Variants in YRDC observed in about 807,000 individuals in gnomAD.
YRDC encodes yrdC N6-threonylcarbamoyltransferase domain containing, also known as threonylcarbamoyl-AMP synthase.
In YRDC, 17 loss-of-function variants were observed where a neutral mutation model predicts 21.5. The ratio of observed to expected loss-of-function variants is 0.79; its 90% CI spans 0.54 to 1.19. The LOEUF is 1.19. Among genes scored for constraint, YRDC ranks in the 50% most tolerant of loss-of-function variants. The probability of loss-of-function intolerance (pLI) is 0.00; values close to 1 mark genes in which losing one functional copy is unlikely to be tolerated. For missense variants in YRDC, 380 were observed against 397.1 expected (o/e 0.96, Z 0.37); for synonymous variants, 193 against 176.7 (o/e 1.09, Z -0.73).
intron 3 of YRDC, among the ~76,000 whole-genome samples, chr1:37,806,196 T>C (rs1369396579): frequency 1.4e-5 from 2 of 147,268 alleles, no homozygotes; most frequent in Non-Finnish European, 3.0e-5. Flanking sequence ...GAGGCTAAAC[T>C]TCATCTTTTT....
rs1646740294 is a variant in YRDC, at chr1:37,806,798, T to G, written c.624+59A>C. Reference sequence around the variant, plus strand: ...CCAGTGTACTATCAATGCCACTGATTCACAGAAAACAGTATGTGCGCTGGT... The same window carrying G: ...CCAGTGTACTATCAATGCCACTGATGCACAGAAAACAGTATGTGCGCTGGT... On this transcript the variant is annotated intron_variant, in intron 3 of 4. Coordinates refer to ENST00000373044, the MANE Select transcript of YRDC (RefSeq NM_024640.4). 3.7e-6 allele frequency: 6 copies of G among 1,610,226 alleles called. 1 individual carries two copies. In the East Asian group the frequency reaches 1.3e-4, roughly 36 times the overall value.
At chr1:37,807,639 A>T (rs1475075342) in intron 1 of YRDC, 153 bp downstream of exon 1, 7 of 1,310,902 alleles carry the variant, frequency 5.3e-6, no homozygotes, top group Non-Finnish European at 5.9e-6. Flanking sequence ...GGCCCGGGGC[A>T]CGTTAAGTCC....
intron 1 of YRDC, 124 bp from the exon 2 acceptor site, chr1:37,807,339 G>C: frequency 1.1e-6 from 1 of 893,718 alleles, no homozygotes; most frequent in Non-Finnish European, 1.7e-6. Flanking sequence ...CTGTCTCCCT[G>C]CTTCACCTCC....
chr1:37,803,610 ATTAC>A lies in YRDC; in HGVS notation c.*311_*314del. ...CACTAGATTCTAAATCTGTTATTTA[ATTAC>A]TTTTCAATTGAAAAACAAAACAGAC... is the stretch of plus-strand genomic sequence containing the variant. On this transcript the variant is annotated 3_prime_UTR_variant, in exon 5 of 5. Transcript: ENST00000373044. 3.4e-6 allele frequency: 1 copy of A among 294,622 alleles called. No homozygotes were observed. The highest frequency in any genetic ancestry group is 6.3e-6 in the Non-Finnish European group (1 of 157,842). The allele number at this position is 294,622 out of a possible 1,614,324, so 18.3% of individuals were successfully genotyped here.
intron 3 of YRDC, among the ~76,000 whole-genome samples, chr1:37,805,994 G>GA (rs938564159): frequency 1.3e-5 from 2 of 151,694 alleles, no homozygotes; most frequent in Admixed American, 6.6e-5. Flanking sequence ...TTAGTAATAA[G>GA]AAAAAAAACG....
Position 37,807,907 on chromosome 1 carries a change from C to G in YRDC, c.274G>C (p.Gly92Arg). 1 of 1,362,414 alleles carries G rather than the reference C, an allele frequency of 7.3e-7. No homozygotes were observed. Among genetic ancestry groups the G allele is most frequent in the Non-Finnish European group, 9.5e-7 (1 of 1,051,122 alleles). The allele number at this position is 1,362,414 out of a possible 1,614,324, so 84.4% of individuals were successfully genotyped here. Residue 92 changes from glycine to arginine, a missense_variant, in exon 1 of 5, where the codon GGC becomes CGC. Transcript: ENST00000373044. ...GAGCAGCTCGCCGCGCAGGCCAGGC[C>G]GTACAGCGTATCGGTGGGGACGGCC... Reference protein sequence around the residue: ...VVAVPTDTLYGLACAASCSAA... With the variant: ...VVAVPTDTLYRLACAASCSAA...
chr1:37,804,601 AAAG>A (rs988982367), intron 3 of YRDC, among the ~76,000 whole-genome samples, 157 bp from the exon 4 acceptor site: 3 of 152,246 alleles, frequency 2.0e-5, no homozygotes, highest in Admixed American at 6.5e-5. Flanking sequence ...CAACTGTGCC[AAAG>A]ACACTGTATT....
At chr1:37,804,882 C>T (rs1272705524) in intron 3 of YRDC, among the ~76,000 whole-genome samples, 1 of 152,186 alleles carries the variant, frequency 6.6e-6, no homozygotes, top group Non-Finnish European at 1.5e-5. Context: ...TTCATTTGTT[C>T]TAATCTATGT....
rs1355982924 is a variant in YRDC at position 37,804,421 on chromosome 1, C to T, written c.648G>A (p.Gln216=). 6.2e-7 allele frequency: 1 copy of T among 1,613,630 alleles called. No homozygotes were observed. The highest frequency in any genetic ancestry group is 8.5e-7 in the Non-Finnish European group (1 of 1,179,568). Residue 216 remains glutamine (Q), a synonymous_variant, in exon 4 of 5, where the codon CAG becomes CAA. Transcript: ENST00000373044. ...NVEEFQDLWP[Q]LSLVIDGGQI... ...GTCCCCCATCAATAACCAAGGACAACTGAGGCCAGAGATCCTGGAACTCCT... is the reference window on the plus strand; with the variant it reads ...GTCCCCCATCAATAACCAAGGACAATTGAGGCCAGAGATCCTGGAACTCCT...
At chr1:37,807,277 G>A (rs755776008) in intron 1 of YRDC, 62 bp from the exon 2 acceptor site, 3 of 1,440,878 alleles carry the variant, frequency 2.1e-6, no homozygotes, top group Non-Finnish European at 2.9e-6. Flanking sequence ...TCCTTTCCTA[G>A]ACTCTAGGCA....
rs887160516 is a variant in YRDC, at chr1:37,807,815, G to A, written c.366C>T (p.Leu122=). Residue 122 remains leucine, a synonymous_variant, in exon 1 of 5, where the codon CTC becomes CTT. Transcript: ENST00000373044. The stretch of plus-strand genomic sequence containing the variant: ...ACCTGTAGACGTCGGCCACGCGGCC[G>A]AGGCATACGGCCAGAGGCTTGGCCT... The part of the protein sequence containing the change: ...RSEAKPLAVC[L]GRVADVYRYC... The A allele has an allele frequency of 3.3e-6, 5 of 1,511,654 alleles. No individual in the cohort carries two copies. The highest frequency in any genetic ancestry group is 2.8e-5 in the African/African-American group (2 of 70,866). 93.6% of individuals were successfully genotyped at this position (1,511,654 alleles called of 1,614,324 possible).
chr1:37,807,561 A>T (rs924349842), intron 1 of YRDC: 2 of 858,030 alleles, frequency 2.3e-6, no homozygotes, highest in Non-Finnish European at 3.4e-6. Context: ...AATTAGCACA[A>T]ATACGCCAAG....
intron 3 of YRDC, 76 bp from the exon 4 acceptor site, chr1:37,804,520 A>G: frequency 1.3e-6 from 2 of 1,527,266 alleles, no homozygotes; most frequent in South Asian, 2.5e-5. Flanking sequence ...CGCAGTCATC[A>G]AAGGCCATAT....
chr1:37,804,139 G>A, intron 4 of YRDC, 142 bp from the exon 5 acceptor site: 1 of 1,426,232 alleles, frequency 7.0e-7, no homozygotes, highest in South Asian at 1.3e-5. Context: ...TGAATCCTAA[G>A]AAAGCCAGGA....
At chr1:37,806,214 T>C (rs1646734613) in intron 3 of YRDC, among the ~76,000 whole-genome samples, 1 of 151,998 alleles carries the variant, frequency 6.6e-6, no homozygotes, top group African/African-American at 2.4e-5. Flanking sequence ...TTTTTTTTTT[T>C]TTAAGAGACA....
In YRDC at chr1:37,807,959, C is replaced by T; in HGVS notation, c.222G>A (p.Val74=). The change falls in exon 1 of 5, where the codon GTG becomes GTA. Residue 74 remains valine (V), a synonymous_variant. Transcript: ENST00000373044. ...AGWTEALRAA[V]AELRAGAVVA... Reference sequence around the variant, plus strand: ...CCACGGCGCCGGCGCGCAGCTCGGCCACGGCGGCCCGCAGCGCCTCGGTCC... The same window carrying T: ...CCACGGCGCCGGCGCGCAGCTCGGCTACGGCGGCCCGCAGCGCCTCGGTCC... 8.2e-7 allele frequency: 1 copy of T among 1,222,274 alleles called. No homozygotes were observed. The highest frequency in any genetic ancestry group is 1.0e-6 in the Non-Finnish European group (1 of 981,930). The allele number at this position is 1,222,274 out of a possible 1,614,324, so 75.7% of individuals were successfully genotyped here. A position where few individuals can be genotyped will look rare whatever the true frequency, so the allele number is the denominator to read the frequency against.
At chr1:37,804,142 A>G in intron 4 of YRDC, 145 bp from the exon 5 acceptor site, 1 of 1,434,400 alleles carries the variant, frequency 7.0e-7, no homozygotes, top group Non-Finnish European at 9.5e-7. Context: ...ATCCTAAGAA[A>G]GCCAGGAAAC....
intron 1 of YRDC, 99 bp downstream of exon 1, chr1:37,807,693 A>T (rs182279812): frequency 1.3e-5 from 18 of 1,355,130 alleles, no homozygotes; most frequent in Non-Finnish European, 1.7e-5. Flanking sequence ...GAGCCTGGAC[A>T]AGCCCCTCCC....
chr1:37,807,634 G>T (rs915558626), intron 1 of YRDC, 158 bp downstream of exon 1: 6 of 1,295,726 alleles, frequency 4.6e-6, no homozygotes, highest in Non-Finnish European at 6.0e-6. Flanking sequence ...TTCAGGGCCC[G>T]GGGCACGTTA....
Sources: allele counts gnomAD v4.1 joint callset (sites outside exome capture counted in the v4.1 genomes callset), GRCh38; gene constraint gnomAD v4.1.1; transcripts MANE v1.5; gene names NCBI Gene and HGNC (gene_info 2026-07-23, HGNC 2026-07-21).